The following CNTLN variants were observed in gnomAD, a reference collection of about 807,000 sequenced individuals.
CNTLN encodes the protein centlein, centrosomal protein.
CNTLN carries 212 observed loss-of-function variants against 180.0 expected under a neutral mutation model. The observed-to-expected ratio is 1.18, with a 90% CI of 1.05 to 1.32. The LOEUF (loss-of-function observed/expected upper bound fraction) is 1.32, where lower values mean the gene tolerates loss of function less well. CNTLN is among the 40% of genes most tolerant of loss of function. The pLI is 0.00. For synonymous variants in CNTLN, 722 were observed against 563.1 expected, an observed-to-expected ratio of 1.28 and a Z score of -3.99; for missense variants, 2,095 against 1,610.9, an observed-to-expected ratio of 1.30 and a Z score of -5.14.
intron 2 of CNTLN, among the ~76,000 whole-genome samples, chr9:17,216,518 C>G (rs113747988): frequency 0.026 from 3,960 of 152,142 alleles, 174 homozygotes; most frequent in African/African-American, 0.09. Context: ...TTTATTGATA[C>G]ATTTATCAAG....
intron 12 of CNTLN, among the ~76,000 whole-genome samples, chr9:17,354,281 C>T (rs1465854604): frequency 6.6e-6 from 1 of 152,184 alleles, no homozygotes; most frequent in Non-Finnish European, 1.5e-5. Context: ...TGCTCCAGGG[C>T]GCCCAGTCCC....
chr9:17,393,929 G>C (rs1027344416), intron 14 of CNTLN, among the ~76,000 whole-genome samples: 3 of 152,050 alleles, frequency 2.0e-5, no homozygotes, highest in African/African-American at 4.8e-5. Context: ...CACAAGCATT[G>C]TTTATTGAAA....
chr9:17,283,659 A>G (rs1828799869), intron 6 of CNTLN, among the ~76,000 whole-genome samples: 1 of 152,152 alleles, frequency 6.6e-6, no homozygotes, highest in African/African-American at 2.4e-5. Context: ...GAGAGACAGC[A>G]TCCTTGTCTT....
intron 5 of CNTLN, among the ~76,000 whole-genome samples, chr9:17,260,349 T>C (rs2132357082): frequency 6.6e-6 from 1 of 151,514 alleles, no homozygotes; most frequent in African/African-American, 2.4e-5. Flanking sequence ...GATAGTTTTT[T>C]ATAATTTCTG....
intron 2 of CNTLN, among the ~76,000 whole-genome samples, chr9:17,192,048 C>G (rs986982437): frequency 1.3e-5 from 2 of 151,888 alleles, no homozygotes; most frequent in Non-Finnish European, 2.9e-5. Context: ...TATTCTGTAC[C>G]TTGTGGGAAA....
chr9:17,388,614 T>C (rs1387060990), intron 14 of CNTLN, among the ~76,000 whole-genome samples: 1 of 152,032 alleles, frequency 6.6e-6, no homozygotes, highest in African/African-American at 2.4e-5. Context: ...AGATTTATAA[T>C]ATTTGATCTA....
intron 15 of CNTLN, among the ~76,000 whole-genome samples, chr9:17,406,178 C>G (rs1343250419): frequency 3.3e-5 from 5 of 151,768 alleles, no homozygotes; most frequent in Admixed American, 2.0e-4. Flanking sequence ...TGATTCCAGT[C>G]TTTCTGTCAG....
At chr9:17,157,952 T>C (rs1819414374) in intron 2 of CNTLN, among the ~76,000 whole-genome samples, 1 of 152,196 alleles carries the variant, frequency 6.6e-6, no homozygotes, top group Admixed American at 6.5e-5. Flanking sequence ...TTAAAAAATA[T>C]TAATTAAAAC....
At chr9:17,414,772 A>G (rs1022011300) in intron 16 of CNTLN, among the ~76,000 whole-genome samples, 27 of 152,168 alleles carry the variant, frequency 1.8e-4, no homozygotes, top group African/African-American at 5.8e-4. Context: ...TAGATTGCAT[A>G]TATCTATGTT....
chr9:17,504,686 G>A (rs1833900175), downstream of CNTLN, among the ~76,000 whole-genome samples: 1 of 152,106 alleles, frequency 6.6e-6, no homozygotes, highest in Non-Finnish European at 1.5e-5. Flanking sequence ...TTACCAGAGA[G>A]GTAGAAAGAG....
intron 2 of CNTLN, among the ~76,000 whole-genome samples, chr9:17,207,415 T>G (rs908036665): frequency 3.9e-5 from 6 of 152,128 alleles, no homozygotes; most frequent in Non-Finnish European, 8.8e-5. Context: ...AAAAAACTCC[T>G]GCAGCTAGCT....
In CNTLN at chr9:17,460,773, T is replaced by A. The variant is rs143320248; in HGVS notation, c.3307-2143T>A. On this transcript the variant is annotated intron_variant, in intron 19 of 25. Transcript: ENST00000380647. ...AACAGAAAAGAATCAACTAGTTATC[T>A]TAATATCTACTTAACTCATTGCATT... Among the ~76,000 whole-genome samples, 500 of 151,920 alleles carry A rather than the reference T, an allele frequency of 3.3e-3. 1 individual carries two copies. Among genetic ancestry groups the A allele is most frequent in the Middle Eastern group, 6.8e-3 (2 of 294 alleles).
At chr9:17,437,466 G>T (rs1412582435) in intron 18 of CNTLN, among the ~76,000 whole-genome samples, 2 of 152,066 alleles carry the variant, frequency 1.3e-5, no homozygotes, top group African/African-American at 4.8e-5. Flanking sequence ...TATATTTCTG[G>T]TAGTGTCCTG....
At chr9:17,160,672 A>G (rs1819616770) in intron 2 of CNTLN, among the ~76,000 whole-genome samples, 1 of 152,200 alleles carries the variant, frequency 6.6e-6, no homozygotes, top group African/African-American at 2.4e-5. Flanking sequence ...CTTTGAGACA[A>G]AGGAAGATAT....
Position 17,431,398 on chromosome 9 carries a change from A to G in CNTLN, c.3114+15209A>G, listed in dbSNP as rs116070861. Among the ~76,000 whole-genome samples the G allele has an allele frequency of 2.0e-3, 297 of 151,588 alleles. 1 individual carries two copies. Among genetic ancestry groups the G allele is most frequent in the African/African-American group, 6.9e-3 (287 of 41,366 alleles). On this transcript the variant is annotated intron_variant, in intron 18 of 25. Transcript: ENST00000380647. ...TCTTTTGCCCATTTTTAATTGTGTT[A>G]TTTGTTTTTGCTATTGTTTGAGTTC...
intron 2 of CNTLN, chr9:17,166,738 A>C (rs1366369188): frequency 3.8e-6 from 1 of 264,530 alleles, no homozygotes; most frequent in East Asian, 1.5e-4. Context: ...ATAACCAGCC[A>C]GATATTAATC....
chr9:17,206,280 C>A (rs114325006), intron 2 of CNTLN, among the ~76,000 whole-genome samples: 3,159 of 152,232 alleles, frequency 0.021, 68 homozygotes, highest in African/African-American at 0.056. Context: ...ACACAGCACC[C>A]TTGTTACTTA....
At chr9:17,360,989 C>A (rs1587772602) in intron 12 of CNTLN, among the ~76,000 whole-genome samples, 1 of 152,020 alleles carries the variant, frequency 6.6e-6, no homozygotes, top group Admixed American at 6.6e-5. Context: ...TATTTCTGTC[C>A]ACTTTTTCCA....
chr9:17,416,091 G>T lies in CNTLN; in HGVS notation c.3016G>T (p.Glu1006Ter). The T allele has an allele frequency of 6.2e-7, 1 of 1,613,550 alleles. No individual in the cohort carries two copies. The highest frequency in any genetic ancestry group is 8.5e-7 in the Non-Finnish European group (1 of 1,179,690). ...ACTTCAGAATGCCAAGAAAACAGCA[G>T]AATTGTCTGTTAAAGAATATAAAGA... ...SVLQNAKKTAELSVKEYKEVN... is the reference protein window; with the variant it reads ...SVLQNAKKTA The change falls in exon 18 of 26, where the codon GAA becomes TAA. Residue 1006 changes from glutamate (E) to a stop codon, truncating the protein, a stop_gained. Coordinates refer to ENST00000380647, the MANE Select transcript of CNTLN (RefSeq NM_017738.4). LOFTEE classifies it high-confidence loss of function.
Sources: allele counts gnomAD v4.1 joint callset (sites outside exome capture counted in the v4.1 genomes callset), GRCh38; gene constraint gnomAD v4.1.1; transcripts MANE v1.5; gene names NCBI Gene and HGNC (gene_info 2026-07-23, HGNC 2026-07-21).